The following GRIK4 variants were observed in gnomAD, a reference collection of about 807,000 sequenced individuals.
GRIK4 encodes glutamate ionotropic receptor kainate type subunit 4, also known as glutamate receptor ionotropic, kainate 4.
A neutral mutation model predicts 104.9 loss-of-function variants in GRIK4; 40 were observed. That is an observed-to-expected ratio of 0.38 (90% CI 0.30 to 0.50). The LOEUF (loss-of-function observed/expected upper bound fraction) is 0.50, where lower values mean the gene tolerates loss of function less well. GRIK4 is among the 20% of genes least tolerant of loss of function. GRIK4 has a pLI of 0.93. For synonymous variants in GRIK4, 485 were observed against 524.9 expected, an observed-to-expected ratio of 0.92 and a Z score of 1.04; for missense variants, 1,047 against 1,308.1, an observed-to-expected ratio of 0.80 and a Z score of 3.08.
chr11:120,942,926 A>G (rs755670500), intron 14 of GRIK4, among the ~76,000 whole-genome samples: 13 of 152,172 alleles, frequency 8.5e-5, no homozygotes, highest in Non-Finnish European at 1.6e-4. Flanking sequence ...GTTGAAGGAC[A>G]TAAGAGCAAA....
At chr11:120,949,299 C>T (rs899885227) in intron 14 of GRIK4, among the ~76,000 whole-genome samples, 4 of 152,136 alleles carry the variant, frequency 2.6e-5, no homozygotes, top group Admixed American at 6.5e-5. Context: ...TCTCTCCCTC[C>T]GTCTAAGAGC....
At chr11:120,674,233 G>A (rs1256010482) in intron 3 of GRIK4, among the ~76,000 whole-genome samples, 1 of 152,084 alleles carries the variant, frequency 6.6e-6, no homozygotes, top group Non-Finnish European at 1.5e-5. Flanking sequence ...CCCCAAATCA[G>A]AAGCAGGCAC....
chr11:120,701,452 G>A (rs1177942427), intron 3 of GRIK4, among the ~76,000 whole-genome samples: 2 of 152,118 alleles, frequency 1.3e-5, no homozygotes, highest in South Asian at 2.1e-4. Context: ...CAAATGGCAG[G>A]ATCTCCTTTT....
At chr11:120,736,533 G>C (rs1951225144) in intron 3 of GRIK4, among the ~76,000 whole-genome samples, 1 of 152,148 alleles carries the variant, frequency 6.6e-6, no homozygotes, top group African/African-American at 2.4e-5. Context: ...ATAATTTACT[G>C]GTAGTGGTAT....
chr11:120,706,275 A>G (rs11603713), intron 3 of GRIK4, among the ~76,000 whole-genome samples: 8,715 of 152,198 alleles, frequency 0.057, 382 homozygotes, highest in African/African-American at 0.11. Flanking sequence ...AACTCCACCC[A>G]TAGCTGCCCT....
chr11:120,803,447 GT>G (rs931557020), intron 4 of GRIK4, among the ~76,000 whole-genome samples: 1 of 151,694 alleles, frequency 6.6e-6, no homozygotes, highest in South Asian at 2.1e-4. Flanking sequence ...TTTTGTTTTT[GT>G]TTTTTTTGAG....
intron 20 of GRIK4, 91 bp downstream of exon 20, chr11:120,982,315 C>T: frequency 1.3e-6 from 1 of 756,806 alleles, no homozygotes; most frequent in Non-Finnish European, 2.4e-6. Flanking sequence ...CAGACGCTTA[C>T]CACAGGAAGT....
intron 9 of GRIK4, chr11:120,871,245 C>A: frequency 5.6e-6 from 1 of 180,128 alleles, no homozygotes; most frequent in South Asian, 1.3e-4. Flanking sequence ...TTGTCTAAGC[C>A]GGAAAGGGAG....
chr11:120,957,591 ATGTGTGTGTGTGTG>A (rs72064502), intron 16 of GRIK4, among the ~76,000 whole-genome samples: 2 of 136,436 alleles, frequency 1.5e-5, no homozygotes, highest in African/African-American at 5.9e-5. Flanking sequence ...GACAAAACAA[ATGTGTGTGTGTGTG>A]TGTGTGTGTG....
At chr11:120,753,213 C>T (rs1187597936) in intron 3 of GRIK4, among the ~76,000 whole-genome samples, 3 of 152,032 alleles carry the variant, frequency 2.0e-5, no homozygotes, top group African/African-American at 7.2e-5. Context: ...GAATTTGGTG[C>T]GGAGCCTGAG....
chr11:120,845,650 TAC>T (rs146137487), intron 8 of GRIK4, among the ~76,000 whole-genome samples: 4,803 of 145,504 alleles, frequency 0.033, 133 homozygotes, highest in African/African-American at 0.081. Context: ...TGCACACTTC[TAC>T]ACACACACAC....
chr11:120,590,442 T>C (rs1202836300), intron 1 of GRIK4, among the ~76,000 whole-genome samples: 1 of 152,222 alleles, frequency 6.6e-6, no homozygotes, highest in Non-Finnish European at 1.5e-5. Flanking sequence ...GTGGCCTGGG[T>C]CTGCAGCCCT....
intron 15 of GRIK4, among the ~76,000 whole-genome samples, chr11:120,954,056 A>G (rs1283432518): frequency 6.6e-6 from 1 of 152,118 alleles, no homozygotes; most frequent in Non-Finnish European, 1.5e-5. Context: ...GTCTTCCCCT[A>G]GGGCACGTTC....
chr11:120,910,156 T>C (rs1383420974), intron 13 of GRIK4, among the ~76,000 whole-genome samples: 2 of 152,174 alleles, frequency 1.3e-5, no homozygotes, highest in African/African-American at 4.8e-5. Context: ...TTCCCAGCCT[T>C]CAGAACTGTG....
intron 1 of GRIK4, among the ~76,000 whole-genome samples, chr11:120,634,635 A>T (rs1949374423): frequency 6.6e-6 from 1 of 152,086 alleles, no homozygotes; most frequent in Admixed American, 6.5e-5. Context: ...AGTCTGTCAG[A>T]TGGGAGACTT....
chr11:120,531,978 T>G (rs1162066909), intron 1 of GRIK4, among the ~76,000 whole-genome samples: 1 of 152,164 alleles, frequency 6.6e-6, no homozygotes, highest in East Asian at 1.9e-4. Flanking sequence ...GCAACCCTTC[T>G]TCTCCCCTTT....
At chr11:120,530,682 C>T (rs943321865) in intron 1 of GRIK4, among the ~76,000 whole-genome samples, 4 of 152,168 alleles carry the variant, frequency 2.6e-5, no homozygotes, top group African/African-American at 9.7e-5. Flanking sequence ...TGGGTTCTGC[C>T]ACGCAGGGCT....
At chr11:120,813,542 T>G (rs527502996) in intron 4 of GRIK4, among the ~76,000 whole-genome samples, 2 of 152,280 alleles carry the variant, frequency 1.3e-5, no homozygotes, top group Admixed American at 1.3e-4. Context: ...GCTGAGATTT[T>G]GGGATGTTGT....
chr11:120,654,553 G>A (rs533723377), intron 2 of GRIK4, among the ~76,000 whole-genome samples: 111 of 152,112 alleles, frequency 7.3e-4, no homozygotes, highest in Non-Finnish European at 1.1e-3. Context: ...AGTAGTGACC[G>A]GGTTTCACCA....
Sources: allele counts gnomAD v4.1 joint callset (sites outside exome capture counted in the v4.1 genomes callset), GRCh38; gene constraint gnomAD v4.1.1; transcripts MANE v1.5; gene names NCBI Gene and HGNC (gene_info 2026-07-23, HGNC 2026-07-21).